The following STK33 variants were observed in gnomAD, a reference collection of about 807,000 sequenced individuals.
STK33 encodes serine/threonine kinase 33, also known as serine/threonine-protein kinase 33.
Under a neutral mutation model 58.0 loss-of-function variants are expected in STK33, and 52 were observed. The ratio of observed to expected loss-of-function variants is 0.90; its 90% CI spans 0.72 to 1.13. The LOEUF (loss-of-function observed/expected upper bound fraction) is 1.13, where lower values mean the gene tolerates loss of function less well. Among genes scored for constraint, STK33 ranks in the 50% most tolerant of loss-of-function variants. The pLI is 0.00. For synonymous variants in STK33, 215 were observed against 200.1 expected, an observed-to-expected ratio of 1.07 and a Z score of -0.63; for missense variants, 630 against 604.2, an observed-to-expected ratio of 1.04 and a Z score of -0.45.
At chr11:8,338,794 C>A in the STK33 span, among the ~76,000 whole-genome samples, 1 of 152,162 alleles carries the variant, frequency 6.6e-6, no homozygotes, top group Non-Finnish European at 1.5e-5. Context: ...CAATGGCCTT[C>A]TCATGTGTCC....
At chr11:8,593,655 A>T (rs2032969643) in intron 1 of STK33, 1 of 152,216 alleles carries the variant, frequency 6.6e-6, no homozygotes, top group Admixed American at 6.5e-5. Flanking sequence ...CCTACCATAT[A>T]ATGGGGTCCC....
intron 15 of STK33, among the ~76,000 whole-genome samples, chr11:8,398,803 CAGGGG>C (rs1849844902): frequency 6.8e-6 from 1 of 147,510 alleles, no homozygotes; most frequent in Admixed American, 6.8e-5. Flanking sequence ...AAAAAAAAAG[CAGGGG>C]TTGCAATCCT....
At chr11:8,456,761 G>C (rs1020370015) in intron 9 of STK33, among the ~76,000 whole-genome samples, 3 of 152,194 alleles carry the variant, frequency 2.0e-5, no homozygotes, top group African/African-American at 7.2e-5. Context: ...CACTCTGTAT[G>C]ATACTATAAT....
chr11:8,369,332 T>C, the STK33 span, among the ~76,000 whole-genome samples: 1 of 149,082 alleles, frequency 6.7e-6, no homozygotes, highest in African/African-American at 2.5e-5. Context: ...TGTGTGTGTG[T>C]ATAATCAGAA....
intron 1 of STK33, among the ~76,000 whole-genome samples, chr11:8,529,018 G>A (rs891455110): frequency 6.6e-6 from 1 of 152,130 alleles, no homozygotes; most frequent in African/African-American, 2.4e-5. Context: ...TTCAGATGAG[G>A]AAACTAAGTC....
At chr11:8,493,069 C>T (rs902223352) in intron 1 of STK33, among the ~76,000 whole-genome samples, 4 of 152,086 alleles carry the variant, frequency 2.6e-5, no homozygotes, top group African/African-American at 9.7e-5. Flanking sequence ...AATTCAATAA[C>T]TAGCAGAAGG....
the STK33 span, among the ~76,000 whole-genome samples, chr11:8,335,461 G>A: frequency 2.0e-5 from 3 of 152,216 alleles, no homozygotes; most frequent in Non-Finnish European, 4.4e-5. Flanking sequence ...ACCTCCAAAA[G>A]GTCCTGCTTT....
chr11:8,407,932 A>G lies in STK33; in HGVS notation c.1344+5563T>C, dbSNP rs996457154. ...AATCAAAGATAAAGAGATGACCTTG[A>G]AAGCATCCAGAGAAAAGTGACACAA... On this transcript the variant is annotated intron_variant, in intron 15 of 15. Transcript: ENST00000687296. 3.9e-5 allele frequency among the ~76,000 whole-genome samples: 6 copies of G among 152,176 alleles called. No individual in the cohort carries two copies. The South Asian group carries it at 6.2e-4, about 16-fold the overall frequency.
At chr11:8,547,278 A>G (rs373063636) in intron 1 of STK33, among the ~76,000 whole-genome samples, 1 of 152,134 alleles carries the variant, frequency 6.6e-6, no homozygotes, top group African/African-American at 2.4e-5. Flanking sequence ...GCAATGGTGC[A>G]ATCTCGGCTC....
In STK33 at chr11:8,475,039, G is replaced by T; in HGVS notation, c.-134C>A. ...CTGGTGAAGTCCTCAGGTTAAGGAT[G>T]CACTAGACACATATTCACACGTGAG... On this transcript the variant is annotated 5_prime_UTR_variant, in exon 5 of 16. Transcript: ENST00000687296. 1.5e-6 allele frequency: 1 copy of T among 679,732 alleles called. No individual in the cohort carries two copies. The highest frequency in any genetic ancestry group is 2.4e-6 in the Non-Finnish European group (1 of 417,366). 42.1% of individuals were successfully genotyped at this position (679,732 alleles called of 1,614,324 possible).
intron 14 of STK33, among the ~76,000 whole-genome samples, chr11:8,431,030 C>A (rs1326823734): frequency 6.6e-6 from 1 of 151,992 alleles, no homozygotes. Context: ...CCACGCCTGG[C>A]TAATTTTTGT....
chr11:8,519,921 G>C (rs1417601813), intron 1 of STK33, among the ~76,000 whole-genome samples: 1 of 152,152 alleles, frequency 6.6e-6, no homozygotes, highest in African/African-American at 2.4e-5. Flanking sequence ...GGTACAAAGA[G>C]GAGCTGGTAC....
chr11:8,514,790 C>G (rs137861725), intron 1 of STK33, among the ~76,000 whole-genome samples: 2 of 152,132 alleles, frequency 1.3e-5, no homozygotes, highest in African/African-American at 4.8e-5. Flanking sequence ...TAATGTCTGG[C>G]AAACAATTTA....
At chr11:8,371,214 T>C in the STK33 span, among the ~76,000 whole-genome samples, 782 of 152,134 alleles carry the variant, frequency 5.1e-3, 2 homozygotes, top group African/African-American at 0.011. Flanking sequence ...GATCACAAGA[T>C]GAAATCATCC....
chr11:8,448,648 A>C (rs1377093639), intron 11 of STK33, among the ~76,000 whole-genome samples: 1 of 152,200 alleles, frequency 6.6e-6, no homozygotes, highest in Non-Finnish European at 1.5e-5. Flanking sequence ...TGGATTAAAG[A>C]CTTAAATGTT....
chr11:8,338,317 G>C, the STK33 span, among the ~76,000 whole-genome samples: 5 of 152,180 alleles, frequency 3.3e-5, no homozygotes, highest in African/African-American at 1.2e-4. Context: ...CAGGCTCCCA[G>C]AAAAAGGATC....
At chr11:8,537,388 C>T (rs1955119261) in intron 1 of STK33, among the ~76,000 whole-genome samples, 1 of 151,990 alleles carries the variant, frequency 6.6e-6, no homozygotes, top group African/African-American at 2.4e-5. Context: ...CCATGCCTGG[C>T]CCCCGCCTTT....
the STK33 span, among the ~76,000 whole-genome samples, chr11:8,353,567 GCCAC>G: frequency 2.0e-5 from 3 of 152,038 alleles, no homozygotes; most frequent in African/African-American, 2.4e-5. Flanking sequence ...GGACTCCAAG[GCCAC>G]CTAGACATTT....
At chr11:8,379,095 A>T in the STK33 span, among the ~76,000 whole-genome samples, 1 of 152,194 alleles carries the variant, frequency 6.6e-6, no homozygotes, top group African/African-American at 2.4e-5. Flanking sequence ...AGCCATATGT[A>T]GAACAATGAA....
Sources: gnomAD v4.1 joint callset for allele counts (sites outside exome capture counted in the v4.1 genomes callset) on GRCh38, gnomAD v4.1.1 for gene constraint, MANE v1.5 for transcripts, NCBI Gene and HGNC (gene_info 2026-07-23, HGNC 2026-07-21) for gene names.